HIPK3: variants seen among roughly 807,000 people sequenced by gnomAD.
HIPK3 encodes the protein homeodomain interacting protein kinase 3, also known as homeodomain-interacting protein kinase 3.
In HIPK3, 47 loss-of-function variants were observed where a neutral mutation model predicts 124.2. That is an observed-to-expected ratio of 0.38 (90% confidence interval 0.30 to 0.48). The LOEUF is 0.48. Ranked by LOEUF, HIPK3 falls within the 20% of genes least tolerant of loss-of-function variation. The pLI, the probability that HIPK3 is intolerant of heterozygous loss-of-function variation, is 0.98. For missense variants in HIPK3, 1,286 were observed against 1,454.3 expected, an observed-to-expected ratio of 0.88 and a Z score of 1.88; for synonymous variants, 482 against 515.2, an observed-to-expected ratio of 0.94 and a Z score of 0.87.
At chr11:33,274,279 C>G (rs1041909002) in intron 1 of HIPK3, among the ~76,000 whole-genome samples, 5 of 151,966 alleles carry the variant, frequency 3.3e-5, no homozygotes, top group Non-Finnish European at 7.4e-5. Context: ...ATCATTTGAC[C>G]TTTGCCTTCT....
intron 1 of HIPK3, among the ~76,000 whole-genome samples, chr11:33,272,385 T>C (rs1292910344): frequency 3.3e-5 from 5 of 150,626 alleles, no homozygotes; most frequent in Admixed American, 2.6e-4. Context: ...GGCGACAGAG[T>C]AAGACTCCGT....
At position 33,297,619 on chromosome 11, in the gene HIPK3, G is replaced by A. The variant is rs374991216; in HGVS notation, c.1097+10108G>A. On this transcript the variant is annotated intron_variant, in intron 2 of 16. Transcript: ENST00000303296. The stretch of plus-strand genomic sequence containing the variant: ...AGTGCAAGGTGAAGCAGCAAGGGCT[G>A]ATGCAGAAGATCTAGCTGAGATCAT... Among the ~76,000 whole-genome samples, 17 of 152,260 alleles carry A rather than the reference G, an allele frequency of 1.1e-4. No homozygotes were observed. The East Asian group carries it at 2.7e-3, about 24-fold the overall frequency.
intron 2 of HIPK3, among the ~76,000 whole-genome samples, chr11:33,298,910 A>C (rs1308513131): frequency 6.6e-6 from 1 of 151,948 alleles, no homozygotes; most frequent in Non-Finnish European, 1.5e-5. Flanking sequence ...GCAGTGGTGC[A>C]ATCTTGGCTC....
intron 2 of HIPK3, among the ~76,000 whole-genome samples, chr11:33,296,610 A>G (rs979318850): frequency 6.6e-6 from 1 of 152,200 alleles, no homozygotes; most frequent in Admixed American, 6.5e-5. Context: ...AATTAATGAT[A>G]TTTCAAACTT....
At chr11:33,274,300 T>TTTTA (rs1343329975) in intron 1 of HIPK3, among the ~76,000 whole-genome samples, 1 of 152,208 alleles carries the variant, frequency 6.6e-6, no homozygotes, top group Non-Finnish European at 1.5e-5. Context: ...TAATCTTTAA[T>TTTTA]ATTTTGTATT....
At chr11:33,260,986 T>G (rs1309550713) in intron 1 of HIPK3, among the ~76,000 whole-genome samples, 1 of 80,742 alleles carries the variant, frequency 1.2e-5, no homozygotes, top group Non-Finnish European at 3.1e-5. Flanking sequence ...TTAAAAGGTA[T>G]TATTCCCCCC....
chr11:33,275,353 T>C (rs748696757), intron 1 of HIPK3, among the ~76,000 whole-genome samples: 2 of 152,180 alleles, frequency 1.3e-5, no homozygotes, highest in Non-Finnish European at 2.9e-5. Flanking sequence ...AATGGTTTAG[T>C]ATTATTTCCT....
rs1298216838 is a variant in HIPK3, at chr11:33,347,702, C to G, written c.2093C>G (p.Thr698Ser). 6.2e-7 allele frequency: 1 copy of G among 1,614,194 alleles called. No homozygotes were observed. Among genetic ancestry groups the G allele is most frequent in the South Asian group, 1.1e-5 (1 of 91,084 alleles). The change falls in exon 10 of 17, where the codon ACT becomes AGT. Residue 698 changes from threonine (T) to serine (S), a missense_variant. Coordinates refer to ENST00000303296, the MANE Select transcript of HIPK3 (RefSeq NM_005734.5). ...GTGACACCCCTGGCTCCTGCTACTACTACACTAACTTCTGAGAGTGTGGCT... is the reference window on the plus strand; with the variant it reads ...GTGACACCCCTGGCTCCTGCTACTAGTACACTAACTTCTGAGAGTGTGGCT... ...QQVTPLAPAT[T>S]TLTSESVAGS...
At chr11:33,266,937 TTC>T (rs1850981667) in intron 1 of HIPK3, among the ~76,000 whole-genome samples, 1 of 152,044 alleles carries the variant, frequency 6.6e-6, no homozygotes, top group Non-Finnish European at 1.5e-5. Flanking sequence ...AGTAATACAG[TTC>T]TCTTGTTTTC....
At chr11:33,273,489 G>A (rs1167430020) in intron 1 of HIPK3, among the ~76,000 whole-genome samples, 1 of 104,642 alleles carries the variant, frequency 9.6e-6, no homozygotes, top group Admixed American at 1.6e-4. Flanking sequence ...CAGCCTGGGC[G>A]ACAGAGTGAG....
Position 33,356,029 on chromosome 11 carries a change from C to A in HIPK3, c.*2461C>A, listed in dbSNP as rs553548623. On this transcript the variant is annotated 3_prime_UTR_variant, in exon 17 of 17. Transcript: ENST00000303296. ...CTTAGGAAAGAATCAATGCTGGCAA[C>A]ACATTGTTTCAGAAACACCAAGTGC... is the stretch of plus-strand genomic sequence containing the variant. 12 of 152,052 alleles carry A rather than the reference C, an allele frequency of 7.9e-5. No individual in the cohort carries two copies. The South Asian group carries it at 2.5e-3, about 32-fold the overall frequency. 9.4% of individuals were successfully genotyped at this position (152,052 alleles called of 1,614,324 possible). A position where few individuals can be genotyped will look rare whatever the true frequency, so the allele number is the denominator to read the frequency against.
At position 33,305,902 on chromosome 11, in the gene HIPK3, A is replaced by G. The variant is rs1852144906; in HGVS notation, c.1097+18391A>G. On this transcript the variant is annotated intron_variant, in intron 2 of 16. Transcript: ENST00000303296. ...CACTGTGTCATCCAGGCTGGAGTGT[A>G]GTGGTGTGATCATGGCTCACTGCAG... is the stretch of plus-strand genomic sequence containing the variant. 2.0e-5 allele frequency among the ~76,000 whole-genome samples: 3 copies of G among 151,494 alleles called. No homozygotes were observed. The South Asian group carries it at 6.3e-4, about 32-fold the overall frequency.
rs758345922 is a variant in HIPK3, at chr11:33,353,591, CAAT to C, written c.*24_*26del. 1.5e-6 allele frequency: 2 copies of C among 1,363,632 alleles called. No homozygotes were observed. Among genetic ancestry groups the C allele is most frequent in the South Asian group, 2.4e-5 (2 of 84,770 alleles). The allele number at this position is 1,363,632 out of a possible 1,614,324, so 84.5% of individuals were successfully genotyped here. ...TGAAAAACAGTATATTGGGGAAGCT[CAAT>C]GATACAAACATTTGATTAAAAATAA... is the stretch of plus-strand genomic sequence containing the variant. On this transcript the variant is annotated 3_prime_UTR_variant, in exon 17 of 17. Transcript: ENST00000303296.
chr11:33,322,262 G>A (rs1237927123), intron 2 of HIPK3, among the ~76,000 whole-genome samples: 1 of 152,038 alleles, frequency 6.6e-6, no homozygotes, highest in Non-Finnish European at 1.5e-5. Context: ...GCCTCCCAAA[G>A]TGCTGGGCTT....
intron 1 of HIPK3, chr11:33,258,598 C>G: frequency 3.0e-6 from 3 of 985,380 alleles, no homozygotes; most frequent in Non-Finnish European, 3.6e-6. Context: ...GGCTGCCGCC[C>G]GCTTCCCTTC....
rs148638316 is a variant in HIPK3, at chr11:33,274,551, A to C, written c.-2-11862A>C. Reference sequence around the variant, plus strand: ...TTAGTACTTAAGTTATATAAGCTGAATTTGAGTTATTAATCTTAAGTTTAC... The same window carrying C: ...TTAGTACTTAAGTTATATAAGCTGACTTTGAGTTATTAATCTTAAGTTTAC... On this transcript the variant is annotated intron_variant, in intron 1 of 16. Transcript: ENST00000303296. 5.8e-3 allele frequency among the ~76,000 whole-genome samples: 887 copies of C among 152,292 alleles called. 7 individuals are homozygous for C. The highest frequency in any genetic ancestry group is 0.037 in the Middle Eastern group (11 of 294).
upstream of HIPK3, chr11:33,257,337 C>G: frequency 1.0e-6 from 1 of 984,116 alleles, no homozygotes; most frequent in Non-Finnish European, 1.2e-6. Flanking sequence ...AGGCGGTGGC[C>G]GAGGCCGACG....
chr11:33,353,187 A>G lies in HIPK3; in HGVS notation c.3267A>G (p.Pro1089=), dbSNP rs1853718223. 6.2e-7 allele frequency: 1 copy of G among 1,613,774 alleles called. No homozygotes were observed. The highest frequency in any genetic ancestry group is 8.5e-7 in the Non-Finnish European group (1 of 1,179,922). ...TTCCTACTAGTGTTACCAGTAATCCATTCACTCTTTCTCATGGAAGTCCCA... is the reference window on the plus strand; with the variant it reads ...TTCCTACTAGTGTTACCAGTAATCCGTTCACTCTTTCTCATGGAAGTCCCA... The part of the protein sequence containing the change: ...AYIPTSVTSN[P]FTLSHGSPNH... The change falls in exon 17 of 17, where the codon CCA becomes CCG. Residue 1089 remains proline (P), a synonymous_variant. Transcript: ENST00000303296.
intron 1 of HIPK3, among the ~76,000 whole-genome samples, chr11:33,278,916 G>T (rs1590350303): frequency 1.3e-5 from 2 of 152,072 alleles, no homozygotes; most frequent in Non-Finnish European, 2.9e-5. Flanking sequence ...AAAAGGAAAA[G>T]ATTTTTAAAA....
Sources: allele counts gnomAD v4.1 joint callset (sites outside exome capture counted in the v4.1 genomes callset), GRCh38; gene constraint gnomAD v4.1.1; transcripts MANE v1.5; gene names NCBI Gene and HGNC (gene_info 2026-07-23, HGNC 2026-07-21).